The following ST7 variants were observed in gnomAD, a reference collection of about 807,000 sequenced individuals.
ST7 encodes the protein suppressor of tumorigenicity 7 protein.
Under a neutral mutation model 78.7 loss-of-function variants are expected in ST7, and 28 were observed. That is an observed-to-expected ratio of 0.36 (90% CI 0.26 to 0.49). ST7 has a LOEUF of 0.49. Among genes scored for constraint, ST7 ranks in the 20% least tolerant of loss-of-function variants. The pLI is 0.99. For synonymous variants in ST7, 247 were observed against 249.6 expected (o/e 0.99, Z 0.10); for missense variants, 418 against 696.0 (o/e 0.60, Z 4.49).
chr7:116,958,188 T>A (rs1244856322), intron 1 of ST7, among the ~76,000 whole-genome samples: 2 of 122,058 alleles, frequency 1.6e-5, no homozygotes, highest in Non-Finnish European at 3.6e-5. Flanking sequence ...TTTTTTTTTG[T>A]AGAGACAGGG....
Position 117,190,825 on chromosome 7 carries a change from G to C in ST7, c.1152-9G>C, listed in dbSNP as rs201281291. The C allele has an allele frequency of 6.2e-7, 1 of 1,613,340 alleles. No individual in the cohort carries two copies. Among genetic ancestry groups the C allele is most frequent in the Admixed American group, 1.7e-5 (1 of 60,006 alleles). ...CCACCTGGATGGTTTTTGTCTTTCT[G>C]CTTTTCAGATTCTCTCCTGAGGCTG... On this transcript the variant is annotated splice_polypyrimidine_tract_variant and intron_variant, in intron 11 of 15. Transcript: ENST00000323984. This position sits in a 1 kb window ranked among gnomAD's most constrained non-coding sequence, Gnocchi z 5.2.
At chr7:117,151,479 T>C (rs1806242397) in intron 9 of ST7, among the ~76,000 whole-genome samples, 1 of 152,194 alleles carries the variant, frequency 6.6e-6, no homozygotes. Flanking sequence ...CACTTTAGAG[T>C]GGACCTTCCA....
intron 1 of ST7, among the ~76,000 whole-genome samples, chr7:117,064,019 G>C (rs976832505): frequency 2.6e-5 from 4 of 151,960 alleles, no homozygotes; most frequent in Non-Finnish European, 5.9e-5. Context: ...TATTTCTTCA[G>C]TAATTAAATA....
chr7:116,997,422 C>T (rs374035540), intron 1 of ST7, among the ~76,000 whole-genome samples: 9 of 151,960 alleles, frequency 5.9e-5, no homozygotes, highest in Admixed American at 1.3e-4. Flanking sequence ...CTGATTGGTG[C>T]GTTTACAATC....
At chr7:117,164,120 T>C (rs939352360) in intron 9 of ST7, among the ~76,000 whole-genome samples, 1 of 152,122 alleles carries the variant, frequency 6.6e-6, no homozygotes, top group Non-Finnish European at 1.5e-5. Context: ...TAACCCAAAC[T>C]GCATGGTACT....
chr7:117,129,948 C>T, intron 4 of ST7, 101 bp downstream of exon 4: 1 of 791,592 alleles, frequency 1.3e-6, no homozygotes, highest in Non-Finnish European at 2.0e-6. Context: ...TTGTAACAGT[C>T]TATGTAGTGC....
intron 1 of ST7, among the ~76,000 whole-genome samples, chr7:117,046,690 G>A (rs967849649): frequency 6.6e-6 from 1 of 152,108 alleles, no homozygotes; most frequent in African/African-American, 2.4e-5. Context: ...ATGTAAAGGT[G>A]ATTTGTGCAA....
At chr7:117,147,489 T>C (rs1316954145) in intron 9 of ST7, among the ~76,000 whole-genome samples, 1 of 151,930 alleles carries the variant, frequency 6.6e-6, no homozygotes, top group African/African-American at 2.4e-5. Context: ...TTATATATTT[T>C]AAAAATTTAT....
At chr7:117,198,132 A>C (rs1810487281) in intron 12 of ST7, among the ~76,000 whole-genome samples, 1 of 152,228 alleles carries the variant, frequency 6.6e-6, no homozygotes, top group Non-Finnish European at 1.5e-5. Context: ...AAAGTATGGG[A>C]GGAGGGAGTT....
intron 12 of ST7, among the ~76,000 whole-genome samples, chr7:117,208,904 T>TGG (rs1483147441): frequency 3.6e-4 from 4 of 11,214 alleles, no homozygotes; most frequent in South Asian, 5.5e-3. Context: ...TATGTGTGGG[T>TGG]GTGTGTGTGT....
At chr7:117,134,736 A>T (rs1196578925) in intron 7 of ST7, among the ~76,000 whole-genome samples, 1 of 151,998 alleles carries the variant, frequency 6.6e-6, no homozygotes, top group African/African-American at 2.4e-5. Context: ...CCAGTGAATC[A>T]CTTGTATAGT....
At chr7:117,031,830 ATATCTATATCTATATC>A (rs1229377615) in intron 1 of ST7, among the ~76,000 whole-genome samples, 2 of 100,472 alleles carry the variant, frequency 2.0e-5, no homozygotes, top group Admixed American at 2.8e-4. Flanking sequence ...ATCTATATCT[ATATCTATATCTATATC>A]TATATCTATA....
intron 1 of ST7, chr7:116,956,552 C>T (rs772513635): frequency 2.1e-6 from 1 of 471,046 alleles, no homozygotes; most frequent in Admixed American, 2.3e-5. Flanking sequence ...CCAAAGACAC[C>T]ATCACAATCA....
At chr7:117,148,613 T>A (rs1013079281) in intron 9 of ST7, among the ~76,000 whole-genome samples, 5 of 152,196 alleles carry the variant, frequency 3.3e-5, no homozygotes, top group African/African-American at 9.6e-5. Context: ...CATTTTAAAT[T>A]TCTGTTTTAT....
chr7:116,956,444 T>A (rs925934352), intron 1 of ST7: 1 of 470,832 alleles, frequency 2.1e-6, no homozygotes, highest in Non-Finnish European at 4.4e-6. Flanking sequence ...TTACTCTTCC[T>A]GTGATGAAGG....
intron 2 of ST7, among the ~76,000 whole-genome samples, chr7:117,113,806 C>CTA (rs1802627754): frequency 6.6e-6 from 1 of 152,078 alleles, no homozygotes; most frequent in Non-Finnish European, 1.5e-5. Context: ...GAATTAGAAT[C>CTA]TCTAGAGGAG....
intron 1 of ST7, among the ~76,000 whole-genome samples, chr7:117,005,969 A>G (rs931857672): frequency 3.3e-5 from 5 of 152,224 alleles, no homozygotes; most frequent in African/African-American, 1.2e-4. Flanking sequence ...ATACTAATAA[A>G]TAATGCTAGC....
intron 12 of ST7, among the ~76,000 whole-genome samples, chr7:117,206,554 G>A (rs1415294884): frequency 6.6e-6 from 1 of 152,178 alleles, no homozygotes; most frequent in Non-Finnish European, 1.5e-5. Context: ...TGGGGCTGCG[G>A]ATGATGTCCT....
chr7:117,053,616 A>T (rs957583820), intron 1 of ST7, among the ~76,000 whole-genome samples: 3 of 152,014 alleles, frequency 2.0e-5, no homozygotes, highest in African/African-American at 7.3e-5. Context: ...TCAGCAGGCC[A>T]CCTCCTTCTG....
Sources: allele counts gnomAD v4.1 joint callset (sites outside exome capture counted in the v4.1 genomes callset), GRCh38; gene constraint gnomAD v4.1.1; non-coding constraint Gnocchi (gnomAD v3.1); transcripts MANE v1.5; gene names NCBI Gene and HGNC (gene_info 2026-07-23, HGNC 2026-07-21).